Variants in ATP13A2 observed in about 807,000 individuals in gnomAD.
The protein encoded by ATP13A2 is ATPase cation transporting 13A2.
A neutral mutation model predicts 138.3 loss-of-function variants in ATP13A2; 83 were observed. That is an observed-to-expected ratio of 0.60 (90% CI 0.50 to 0.72). ATP13A2 has a LOEUF of 0.72. Among genes scored for constraint, ATP13A2 ranks in the 30% least tolerant of loss-of-function variants. ATP13A2 has a pLI of 0.00. For synonymous variants in ATP13A2, 663 were observed against 699.0 expected (o/e 0.95, Z 0.81); for missense variants, 1,402 against 1,606.4 (o/e 0.87, Z 2.17).
At position 16,992,233 on chromosome 1, in the gene ATP13A2, C is replaced by T. The variant is rs1557681758; in HGVS notation, c.2005+10G>A. ...CCCAACCAGGGGGACTCAGGGGCTT[C>T]CCCCTGCACCTGTCTCGGGGTTGCA... On this transcript the variant is annotated intron_variant, in intron 18 of 28. Coordinates refer to ENST00000326735, the MANE Select transcript of ATP13A2 (RefSeq NM_022089.4). 1 of 1,612,418 alleles carries T rather than the reference C, an allele frequency of 6.2e-7. No individual in the cohort carries two copies. The highest frequency in any genetic ancestry group is 2.2e-5 in the East Asian group (1 of 44,862).
At chr1:16,998,649 G>A (rs1181512600) in intron 11 of ATP13A2, among the ~76,000 whole-genome samples, 1 of 152,090 alleles carries the variant, frequency 6.6e-6, no homozygotes, top group Admixed American at 6.6e-5. Context: ...CACACATCAA[G>A]AGACACAGGA....
intron 6 of ATP13A2, among the ~76,000 whole-genome samples, chr1:17,003,450 C>A (rs1480048894): frequency 6.6e-6 from 1 of 151,578 alleles, no homozygotes; most frequent in Non-Finnish European, 1.5e-5. Flanking sequence ...CCCAACTACT[C>A]GGGAGGCTGA....
chr1:16,990,391 A>G, intron 20 of ATP13A2, 104 bp from the exon 21 acceptor site: 2 of 1,455,638 alleles, frequency 1.4e-6, no homozygotes, highest in Non-Finnish European at 1.9e-6. Context: ...TCCGTCTGCC[A>G]CCACCAGCCA....
rs1057519293 is a variant in ATP13A2, at chr1:16,996,262, G to A, written c.1345C>T (p.Arg449Ter). ...GTIYSIFILY[R>*]NRVPLNEIVI... ...CCACCCCCAAGGCTTACCCGGTTTC[G>A]GTAGAGGATGAAGATGCTGTAGATG... is the stretch of plus-strand genomic sequence containing the variant. The change falls in exon 14 of 29, where the codon CGA becomes TGA. Residue 449 changes from arginine to a stop codon, truncating the protein, a stop_gained. Transcript: ENST00000326735. LOFTEE classifies it high-confidence loss of function. 15 of 1,614,168 alleles carry A rather than the reference G, an allele frequency of 9.3e-6. No homozygotes were observed. The highest frequency in any genetic ancestry group is 5.0e-5 in the Admixed American group (3 of 60,030).
At chr1:17,002,212 G>A (rs1224851481) in intron 7 of ATP13A2, 84 bp downstream of exon 7, 2 of 1,579,480 alleles carry the variant, frequency 1.3e-6, no homozygotes, top group African/African-American at 2.7e-5. Context: ...CCCAGAGAAG[G>A]CAGGTGACTG....
chr1:16,996,956 A>G, intron 12 of ATP13A2, 64 bp downstream of exon 12: 2 of 1,570,822 alleles, frequency 1.3e-6, no homozygotes, highest in Non-Finnish European at 1.7e-6. Context: ...ACCCTGCCTC[A>G]CTCCACCTCT....
chr1:16,998,725 C>A (rs561098779), intron 11 of ATP13A2, among the ~76,000 whole-genome samples: 1 of 152,212 alleles, frequency 6.6e-6, no homozygotes, highest in South Asian at 2.1e-4. Flanking sequence ...TCATGGCGAG[C>A]GGGCCGGTTG....
chr1:17,001,531 C>G (rs963616850), intron 8 of ATP13A2, among the ~76,000 whole-genome samples: 1 of 152,164 alleles, frequency 6.6e-6, no homozygotes, highest in Non-Finnish European at 1.5e-5. Flanking sequence ...TGGTGCCTGC[C>G]CCCGATCAGA....
chr1:17,009,564 ATT>A (rs938520560), intron 1 of ATP13A2, among the ~76,000 whole-genome samples: 1 of 150,362 alleles, frequency 6.7e-6, no homozygotes. Context: ...CACCAGGCTA[ATT>A]TTTTTTTAGT....
chr1:17,003,675 T>C (rs1393847223), intron 6 of ATP13A2, among the ~76,000 whole-genome samples: 1 of 150,724 alleles, frequency 6.6e-6, no homozygotes, highest in African/African-American at 2.4e-5. Flanking sequence ...TCTTTTTTTT[T>C]TTTTTTGAGA....
chr1:17,007,686 G>A (rs1046453789), intron 1 of ATP13A2, among the ~76,000 whole-genome samples: 3 of 151,912 alleles, frequency 2.0e-5, no homozygotes, highest in African/African-American at 7.2e-5. Context: ...CAAGTAGCTG[G>A]GACTACAGGC....
chr1:17,009,252 G>C (rs983570534), intron 1 of ATP13A2, among the ~76,000 whole-genome samples: 1 of 152,126 alleles, frequency 6.6e-6, no homozygotes, highest in Non-Finnish European at 1.5e-5. Flanking sequence ...ACTGCTCACA[G>C]TACCTGCCAT....
rs1429055942 is a variant in ATP13A2, at chr1:17,004,482, A to T, written c.478-71T>A. The T allele has an allele frequency of 1.3e-6, 2 of 1,580,756 alleles. No homozygotes were observed. Among genetic ancestry groups the T allele is most frequent in the East Asian group, 4.6e-5 (2 of 43,780 alleles). On this transcript the variant is annotated intron_variant, in intron 5 of 28. Transcript: ENST00000326735. This position sits in a 1 kb window ranked among gnomAD's most constrained non-coding sequence, Gnocchi z 4.1. Reference sequence around the variant, plus strand: ...CCAGAAGCAGTGTGCTTATGCTGGGAGCCGAGGGATGGGGGTAGGGGGCAG... The same window carrying T: ...CCAGAAGCAGTGTGCTTATGCTGGGTGCCGAGGGATGGGGGTAGGGGGCAG...
At chr1:17,001,974 T>C in intron 8 of ATP13A2, 60 bp downstream of exon 8, 1 of 1,549,974 alleles carries the variant, frequency 6.5e-7, no homozygotes, top group Non-Finnish European at 8.8e-7. Context: ...AGGCAAGCCC[T>C]GGGCCAAGGT....
At chr1:17,010,248 T>C (rs1364669390) in intron 1 of ATP13A2, among the ~76,000 whole-genome samples, 2 of 152,202 alleles carry the variant, frequency 1.3e-5, no homozygotes, top group African/African-American at 2.4e-5. Context: ...CAGCTAATTT[T>C]TGTATTTTTA....
rs1570792543 is a variant in ATP13A2 at position 16,991,841 on chromosome 1, T to G, written c.2144A>C (p.Asp715Ala). 6.2e-7 allele frequency: 1 copy of G among 1,614,014 alleles called. No individual in the cohort carries two copies. Among genetic ancestry groups the G allele is most frequent in the Non-Finnish European group, 8.5e-7 (1 of 1,180,026 alleles). The change falls in exon 20 of 29, where the codon GAC becomes GCC. Residue 715 changes from aspartate to alanine, a missense_variant. Coordinates refer to ENST00000326735, the MANE Select transcript of ATP13A2 (RefSeq NM_022089.4). The stretch of plus-strand genomic sequence containing the variant: ...GACCAGCAGCCCCAGGAGGCTCAGG[T>G]CTCCTTCCACAGTGTCCCTGGAGGG... ...QQLTRDTVEG[D>A]LSLLGLLVMR...
Position 16,992,401 on chromosome 1 carries a change from T to C in ATP13A2, c.1847A>G (p.Glu616Gly), listed in dbSNP as rs558165485. 2 of 1,613,768 alleles carry C rather than the reference T, an allele frequency of 1.2e-6. No individual in the cohort carries two copies. The highest frequency in any genetic ancestry group is 2.2e-5 in the South Asian group (2 of 91,082). The part of the protein sequence containing the change: ...PLWEPQLQAM[E>G]EPPVPVSVLH... ...GACGCTGACTGGCACCGGGGGCTCC[T>C]CCTGCAGGGTTGGAGAGGCAGCTGA... The change falls in exon 18 of 29, where the codon GAG (glutamate) becomes GGG (glycine). Residue 616 changes from glutamate to glycine, a missense_variant and splice_region_variant. Coordinates refer to ENST00000326735, the MANE Select transcript of ATP13A2 (RefSeq NM_022089.4).
intron 14 of ATP13A2, 39 bp downstream of exon 14, chr1:16,996,215 C>T: frequency 6.2e-7 from 1 of 1,614,164 alleles, no homozygotes; most frequent in Non-Finnish European, 8.5e-7. Context: ...GCCCCTGGGC[C>T]CTGCTGGCAG....
At position 16,992,470 on chromosome 1, in the gene ATP13A2, GC is replaced by G. The variant is rs764339719; in HGVS notation, c.1845+15del. Reference sequence around the variant, plus strand: ...CACCCCTCTGCCCTGCACCCAACAGGCCCCCCTCAGCTCACCATTGCCTGCA... The same window carrying G: ...CACCCCTCTGCCCTGCACCCAACAGGCCCCCTCAGCTCACCATTGCCTGCA... On this transcript the variant is annotated intron_variant, in intron 17 of 28. Coordinates refer to ENST00000326735, the MANE Select transcript of ATP13A2 (RefSeq NM_022089.4). The G allele has an allele frequency of 2.5e-6, 4 of 1,613,898 alleles. No homozygotes were observed. The highest frequency in any genetic ancestry group is 3.4e-6 in the Non-Finnish European group (4 of 1,179,924).
Sources: allele counts gnomAD v4.1 joint callset (sites outside exome capture counted in the v4.1 genomes callset), GRCh38; gene constraint gnomAD v4.1.1; non-coding constraint Gnocchi (gnomAD v3.1); transcripts MANE v1.5; gene names NCBI Gene and HGNC (gene_info 2026-07-23, HGNC 2026-07-21).